Variants in VEPH1 observed in about 807,000 individuals in gnomAD.
VEPH1 encodes ventricular zone expressed PH domain containing 1, also known as ventricular zone-expressed PH domain-containing protein homolog 1.
In VEPH1, 80 loss-of-function variants were observed where a neutral mutation model predicts 85.2. That is an observed-to-expected ratio of 0.94 (90% CI 0.78 to 1.13). VEPH1 has a LOEUF of 1.13. Among genes scored for constraint, VEPH1 ranks in the 50% most tolerant of loss-of-function variants. The probability of loss-of-function intolerance (pLI) is 0.00; values close to 1 mark genes in which losing one functional copy is unlikely to be tolerated. For synonymous variants in VEPH1, 297 were observed against 348.0 expected (o/e 0.85, Z 1.63); for missense variants, 955 against 980.5 (o/e 0.97, Z 0.35).
chr3:157,296,523 C>T (rs1718167003), intron 11 of VEPH1, among the ~76,000 whole-genome samples: 1 of 152,206 alleles, frequency 6.6e-6, no homozygotes, highest in Non-Finnish European at 1.5e-5. Context: ...TCTCCTTTCT[C>T]TTGTTAGAAG....
intron 1 of VEPH1, among the ~76,000 whole-genome samples, chr3:157,496,495 G>GA (rs1276416132): frequency 6.6e-6 from 1 of 152,206 alleles, no homozygotes; most frequent in Non-Finnish European, 1.5e-5. Context: ...CAGTAGAGTG[G>GA]AATCACCTCA....
At chr3:157,392,569 T>A (rs1162811402) in intron 6 of VEPH1, among the ~76,000 whole-genome samples, 2 of 152,088 alleles carry the variant, frequency 1.3e-5, no homozygotes, top group African/African-American at 4.8e-5. Flanking sequence ...GAAGAAGAAT[T>A]GTCTTGGGCC....
intron 6 of VEPH1, among the ~76,000 whole-genome samples, chr3:157,411,585 A>C (rs900706615): frequency 6.6e-6 from 1 of 152,178 alleles, no homozygotes; most frequent in Non-Finnish European, 1.5e-5. Flanking sequence ...ATGACTTAGT[A>C]GGCATTCTAT....
In VEPH1 at chr3:157,408,862, G is replaced by C. The variant is rs562513295; in HGVS notation, c.906+5019C>G. Among the ~76,000 whole-genome samples, 6 of 152,224 alleles carry C rather than the reference G, an allele frequency of 3.9e-5. No individual in the cohort carries two copies. The East Asian group carries it at 1.2e-3, about 29-fold the overall frequency. On this transcript the variant is annotated intron_variant, in intron 6 of 13. Coordinates refer to ENST00000362010, the MANE Select transcript of VEPH1 (RefSeq NM_001167912.2). ...TAAAATCCTGAGTAGTCAGAATGTA[G>C]GGGAATGAAGTAGACTGGACAGGTA...
At chr3:157,457,347 C>T (rs1027462366) in intron 4 of VEPH1, among the ~76,000 whole-genome samples, 2 of 152,200 alleles carry the variant, frequency 1.3e-5, no homozygotes, top group African/African-American at 4.8e-5. Flanking sequence ...TTGACTTCCT[C>T]TCTTCCTATT....
At chr3:157,452,416 G>A (rs1735047242) in intron 4 of VEPH1, among the ~76,000 whole-genome samples, 1 of 152,170 alleles carries the variant, frequency 6.6e-6, no homozygotes. Flanking sequence ...CCCAAGAAAA[G>A]GGCCTTAGTC....
chr3:157,480,846 C>T (rs184560589), intron 2 of VEPH1, among the ~76,000 whole-genome samples: 48 of 152,138 alleles, frequency 3.2e-4, no homozygotes, highest in African/African-American at 1.1e-3. Flanking sequence ...GTGGTAGTTC[C>T]TTGTTCTTTG....
chr3:157,325,188 GT>G (rs969468314), intron 9 of VEPH1, among the ~76,000 whole-genome samples: 2 of 150,234 alleles, frequency 1.3e-5, no homozygotes, highest in African/African-American at 4.9e-5. Context: ...GGAGTTGTTT[GT>G]TTTTTTTTCT....
intron 4 of VEPH1, chr3:157,437,801 A>G (rs895901026): frequency 4.1e-6 from 6 of 1,462,394 alleles, no homozygotes; most frequent in East Asian, 5.6e-5. Context: ...GCGGAGGCGC[A>G]GCGCCCAGAG....
At chr3:157,485,110 G>A (rs117230000) in intron 2 of VEPH1, among the ~76,000 whole-genome samples, 1,619 of 152,170 alleles carry the variant, frequency 0.011, 25 homozygotes, top group East Asian at 0.067. Flanking sequence ...CCCAATGATT[G>A]GTTAACTAAT....
At chr3:157,344,284 A>G (rs551165275) in intron 9 of VEPH1, among the ~76,000 whole-genome samples, 6 of 152,282 alleles carry the variant, frequency 3.9e-5, no homozygotes, top group Non-Finnish European at 5.9e-5. Flanking sequence ...AAACCCCATC[A>G]TCTCAGCCCA....
chr3:157,363,535 A>G lies in VEPH1; in HGVS notation c.1564T>C (p.Ser522Pro), dbSNP rs11918974. ...NIIHIDSENL[S>P]ETVKENSQEE... The stretch of plus-strand genomic sequence containing the variant: ...TGGGAGTTTTCTTTAACAGTTTCTG[A>G]CAAATTCTCTGAGTCTATATGTATA... The change falls in exon 9 of 14, where the codon TCA becomes CCA. Residue 522 changes from serine to proline, a missense_variant. Physicochemically the swap from Ser to Pro is moderately conservative, Grantham distance 74. Transcript: ENST00000362010. 0.25 allele frequency: 408,291 copies of G among 1,613,844 alleles called. 55,018 individuals are homozygous for G. The highest frequency in any genetic ancestry group is 0.48 in the Admixed American group (28,533 of 59,992).
intron 4 of VEPH1, chr3:157,436,831 C>A: frequency 7.9e-7 from 1 of 1,265,672 alleles, no homozygotes; most frequent in Non-Finnish European, 1.1e-6. Flanking sequence ...TTATTAAGGA[C>A]TCTCTGCTCC....
At chr3:157,393,425 A>G (rs933685003) in intron 6 of VEPH1, among the ~76,000 whole-genome samples, 2 of 152,226 alleles carry the variant, frequency 1.3e-5, no homozygotes, top group Non-Finnish European at 2.9e-5. Context: ...AGAGTAGGTG[A>G]CAAAACAATG....
At chr3:157,338,438 A>G (rs1214653742) in intron 9 of VEPH1, among the ~76,000 whole-genome samples, 2 of 152,206 alleles carry the variant, frequency 1.3e-5, no homozygotes, top group African/African-American at 4.8e-5. Flanking sequence ...AGATCTTTAA[A>G]TTGTACTTCT....
At chr3:157,378,013 T>A (rs1728320526) in intron 7 of VEPH1, among the ~76,000 whole-genome samples, 1 of 152,074 alleles carries the variant, frequency 6.6e-6, no homozygotes, top group Non-Finnish European at 1.5e-5. Flanking sequence ...AGGTGAGCAC[T>A]GGCCAGGACA....
chr3:157,267,495 TA>T (rs1176978807), intron 12 of VEPH1, among the ~76,000 whole-genome samples: 13 of 151,696 alleles, frequency 8.6e-5, no homozygotes, highest in African/African-American at 2.9e-4. Context: ...AAATTAAGGC[TA>T]AAAACTGGCC....
intron 5 of VEPH1, among the ~76,000 whole-genome samples, chr3:157,421,700 G>A (rs1203636888): frequency 6.6e-6 from 1 of 152,196 alleles, no homozygotes; most frequent in African/African-American, 2.4e-5. Flanking sequence ...TTGAAATCAA[G>A]GGTGTGCTCT....
At chr3:157,313,106 G>GT (rs1232526486) in intron 11 of VEPH1, among the ~76,000 whole-genome samples, 1 of 151,336 alleles carries the variant, frequency 6.6e-6, no homozygotes, top group African/African-American at 2.4e-5. Flanking sequence ...GGGTTTCACC[G>GT]TGTTAGCCAG....
Sources: allele counts gnomAD v4.1 joint callset (sites outside exome capture counted in the v4.1 genomes callset), GRCh38; gene constraint gnomAD v4.1.1; transcripts MANE v1.5; gene names NCBI Gene and HGNC (gene_info 2026-07-23, HGNC 2026-07-21).